ZC3H12D: variants seen among roughly 807,000 people sequenced by gnomAD.
The protein encoded by ZC3H12D is zinc finger CCCH-type containing 12D.
Under a neutral mutation model 24.2 loss-of-function variants are expected in ZC3H12D, and 11 were observed. The observed-to-expected ratio is 0.46, with a 90% CI of 0.29 to 0.75. The LOEUF (loss-of-function observed/expected upper bound fraction) is 0.75. Among genes scored for constraint, ZC3H12D ranks in the 30% least tolerant of loss-of-function variants. The pLI is 0.11. For missense variants in ZC3H12D, 740 were observed against 767.7 expected, an observed-to-expected ratio of 0.96 and a Z score of 0.43; for synonymous variants, 333 against 341.8, an observed-to-expected ratio of 0.97 and a Z score of 0.28.
chr6:149,453,142 A>G (rs996182426), intron 4 of ZC3H12D, among the ~76,000 whole-genome samples: 2 of 151,708 alleles, frequency 1.3e-5, no homozygotes, highest in African/African-American at 2.4e-5. Flanking sequence ...AAAAAAAAAA[A>G]AAAAGAAAAT....
intron 3 of ZC3H12D, among the ~76,000 whole-genome samples, chr6:149,458,124 G>GTTTTTTT (rs1562472740): frequency 4.0e-4 from 15 of 37,564 alleles, no homozygotes; most frequent in African/African-American, 1.7e-3. Context: ...TTTTTTTTTC[G>GTTTTTTT]TTTCTTTTTT....
rs553968766 is a variant in ZC3H12D at position 149,456,967 on chromosome 6, C to A, written c.446-67G>T. Reference sequence around the variant, plus strand: ...CACCGCCCCTGAGAACCACCCCCAACGCGAGGCCACCCGCTTCCCGGGCCG... The same window carrying A: ...CACCGCCCCTGAGAACCACCCCCAAAGCGAGGCCACCCGCTTCCCGGGCCG... On this transcript the variant is annotated intron_variant, in intron 3 of 5. Transcript: ENST00000409806. The surrounding 1 kb of genome is among the most constrained non-coding windows in gnomAD (Gnocchi z 4.3). 6.8e-6 allele frequency: 10 copies of A among 1,478,870 alleles called. No individual in the cohort carries two copies. The East Asian group carries it at 2.3e-4, about 34-fold the overall frequency. 91.6% of individuals were successfully genotyped at this position (1,478,870 alleles called of 1,614,324 possible).
In ZC3H12D at chr6:149,456,622, C is replaced by CCCCCCCCCCCCCCCCCCGGGTGGGG; in HGVS notation, c.680+43_680+44insCCCCACCCGGGGGGGGGGGGGGGGG. On this transcript the variant is annotated intron_variant, in intron 4 of 5. Transcript: ENST00000409806. The surrounding 1 kb of genome is among the most constrained non-coding windows in gnomAD (Gnocchi z 4.3). ...GGCCACTGCCTCGACCCCGGCCCCCCGCCCCGCCGCCCCCCAGGGTGTCAG... is the reference window on the plus strand; with the variant it reads ...GGCCACTGCCTCGACCCCGGCCCCCCCCCCCCCCCCCCCCCCCGGGTGGGGGCCCCGCCGCCCCCCAGGGTGTCAG... 7.6e-7 allele frequency: 1 copy of CCCCCCCCCCCCCCCCCCGGGTGGGG among 1,314,358 alleles called. No individual in the cohort carries two copies. 81.4% of individuals were successfully genotyped at this position (1,314,358 alleles called of 1,614,324 possible).
rs756490080 is a variant in ZC3H12D at position 149,449,819 on chromosome 6, T to C, written c.*864A>G. On this transcript the variant is annotated 3_prime_UTR_variant, in exon 6 of 6. Transcript: ENST00000409806. ...AGCTGGTACAGTAGAAAGCCTATTC[T>C]GGAAACTGCCATGATGGATGGCTAA... 1 of 152,198 alleles carries C rather than the reference T, an allele frequency of 6.6e-6. No individual in the cohort carries two copies. Among genetic ancestry groups the C allele is most frequent in the Non-Finnish European group, 1.5e-5 (1 of 68,054 alleles). The allele number at this position is 152,198 out of a possible 1,614,324, so 9.4% of individuals were successfully genotyped here. A position where few individuals can be genotyped will look rare whatever the true frequency, so the allele number is the denominator to read the frequency against.
At position 149,449,468 on chromosome 6, in the gene ZC3H12D, C is replaced by G. The variant is rs1421903970; in HGVS notation, c.*1215G>C. 6.6e-6 allele frequency: 1 copy of G among 151,376 alleles called. No individual in the cohort carries two copies. The highest frequency in any genetic ancestry group is 1.5e-5 in the Non-Finnish European group (1 of 68,052). The allele number at this position is 151,376 out of a possible 1,614,324, so 9.4% of individuals were successfully genotyped here. A position where few individuals can be genotyped will look rare whatever the true frequency, so the allele number is the denominator to read the frequency against. ...TTTTTTTTTTTTTAAGACGGAGTCT[C>G]GCTCTGCTGCCCAGGCTGGAGTGCA... On this transcript the variant is annotated 3_prime_UTR_variant, in exon 6 of 6. Coordinates refer to ENST00000409806, the MANE Select transcript of ZC3H12D (RefSeq NM_207360.3).
At position 149,474,557 on chromosome 6, in the gene ZC3H12D, G is replaced by T; in HGVS notation, c.-14C>A. On this transcript the variant is annotated 5_prime_UTR_variant, in exon 2 of 6. Transcript: ENST00000409806. ...GGGGTGCTCCATGCTGTGCCCAGCG[G>T]CCACTGGCGCAGGTCCTGCCCCAGG... 2.0e-6 allele frequency: 3 copies of T among 1,470,996 alleles called. No individual in the cohort carries two copies. Among genetic ancestry groups the T allele is most frequent in the Non-Finnish European group, 2.7e-6 (3 of 1,102,384 alleles). The allele number at this position is 1,470,996 out of a possible 1,614,324, so 91.1% of individuals were successfully genotyped here.
At chr6:149,468,356 A>G (rs564916794) in intron 2 of ZC3H12D, among the ~76,000 whole-genome samples, 2 of 152,324 alleles carry the variant, frequency 1.3e-5, no homozygotes, top group African/African-American at 2.4e-5. Flanking sequence ...TGCCTGCCTG[A>G]CAACTGTGCC....
In ZC3H12D at chr6:149,480,641, C is replaced by T. The variant is rs542394528; in HGVS notation, c.-71+4172G>A. Among the ~76,000 whole-genome samples the T allele has an allele frequency of 5.9e-5, 9 of 152,262 alleles. No homozygotes were observed. The East Asian group carries it at 1.7e-3, about 29-fold the overall frequency. On this transcript the variant is annotated intron_variant, in intron 1 of 5. Coordinates refer to ENST00000409806, the MANE Select transcript of ZC3H12D (RefSeq NM_207360.3). The stretch of plus-strand genomic sequence containing the variant: ...ATCCCAGCTACTCAGGAGACTGAGG[C>T]AGGAGAATCACTTGAAACCAGGAGG...
chr6:149,460,096 G>A (rs1267344776), intron 3 of ZC3H12D, among the ~76,000 whole-genome samples: 1 of 152,204 alleles, frequency 6.6e-6, no homozygotes, highest in East Asian at 1.9e-4. Flanking sequence ...GCTGCCAGTT[G>A]TGTAAAAGTC....
chr6:149,475,594 T>C (rs531270924), intron 1 of ZC3H12D, among the ~76,000 whole-genome samples: 1 of 152,118 alleles, frequency 6.6e-6, no homozygotes, highest in Non-Finnish European at 1.5e-5. Flanking sequence ...CGCACGCCTG[T>C]AATCCCAGCT....
chr6:149,482,253 G>C (rs541240496), intron 1 of ZC3H12D, among the ~76,000 whole-genome samples: 2 of 152,382 alleles, frequency 1.3e-5, no homozygotes, highest in South Asian at 4.1e-4. Flanking sequence ...GGACAGGAGT[G>C]GGGTGCTGCT....
chr6:149,459,378 T>A, intron 3 of ZC3H12D: 1 of 550,982 alleles, frequency 1.8e-6, no homozygotes, highest in Non-Finnish European at 3.2e-6. Flanking sequence ...GGGGGAGATC[T>A]ATAATCATGT....
chr6:149,465,486 G>A (rs1776140010), intron 2 of ZC3H12D, among the ~76,000 whole-genome samples: 2 of 152,112 alleles, frequency 1.3e-5, no homozygotes. Context: ...CGGGTGTGGT[G>A]GCTCACACCT....
Position 149,461,872 on chromosome 6 carries a change from G to A in ZC3H12D, c.404C>T (p.Ser135Phe). 2 of 1,586,046 alleles carry A rather than the reference G, an allele frequency of 1.3e-6. No homozygotes were observed. Among genetic ancestry groups the A allele is most frequent in the Admixed American group, 1.8e-5 (1 of 55,402 alleles). Residue 135 changes from serine to phenylalanine, a missense_variant, in exon 3 of 6, where the codon TCC becomes TTC. Ser to Phe is a radical substitution (Grantham distance 155). Coordinates refer to ENST00000409806, the MANE Select transcript of ZC3H12D (RefSeq NM_207360.3). ...AGCTCTTGGTGGGTCCTTCCTCCAGGATGGAACAAAAACTTTGATGTAGGT... is the reference window on the plus strand; with the variant it reads ...AGCTCTTGGTGGGTCCTTCCTCCAGAATGGAACAAAAACTTTGATGTAGGT... Reference protein sequence around the residue: ...GHTYIKVFVPSWRKDPPRADT... With the variant: ...GHTYIKVFVPFWRKDPPRADT...
rs757291538 is a variant in ZC3H12D, at chr6:149,474,566, G to A, written c.-23C>T. On this transcript the variant is annotated 5_prime_UTR_variant, in exon 2 of 6. Transcript: ENST00000409806. Reference sequence around the variant, plus strand: ...CATGCTGTGCCCAGCGGCCACTGGCGCAGGTCCTGCCCCAGGCTTCCTCCT... The same window carrying A: ...CATGCTGTGCCCAGCGGCCACTGGCACAGGTCCTGCCCCAGGCTTCCTCCT... The A allele has an allele frequency of 3.4e-6, 5 of 1,457,122 alleles. No homozygotes were observed. The East Asian group carries it at 7.3e-5, about 21-fold the overall frequency. The allele number at this position is 1,457,122 out of a possible 1,614,324, so 90.3% of individuals were successfully genotyped here. A position where few individuals can be genotyped will look rare whatever the true frequency, so the allele number is the denominator to read the frequency against.
In ZC3H12D at chr6:149,456,622, C is replaced by CCCCCCCCCCCCCCCCCCCGGGTGAGG; in HGVS notation, c.680+43_680+44insCCTCACCCGGGGGGGGGGGGGGGGGG. 5.3e-6 allele frequency: 7 copies of CCCCCCCCCCCCCCCCCCCGGGTGAGG among 1,314,350 alleles called. No homozygotes were observed. The highest frequency in any genetic ancestry group is 4.7e-5 in the East Asian group (2 of 42,324). The allele number at this position is 1,314,350 out of a possible 1,614,324, so 81.4% of individuals were successfully genotyped here. A position where few individuals can be genotyped will look rare whatever the true frequency, so the allele number is the denominator to read the frequency against. On this transcript the variant is annotated intron_variant, in intron 4 of 5. Transcript: ENST00000409806. The surrounding 1 kb of genome is among the most constrained non-coding windows in gnomAD (Gnocchi z 4.3). ...GGCCACTGCCTCGACCCCGGCCCCC[C>CCCCCCCCCCCCCCCCCCCGGGTGAGG]GCCCCGCCGCCCCCCAGGGTGTCAG...
intron 5 of ZC3H12D, 94 bp from the exon 6 acceptor site, chr6:149,451,573 G>T: frequency 8.7e-7 from 1 of 1,144,514 alleles, no homozygotes; most frequent in Non-Finnish European, 1.2e-6. Context: ...CCGGCCCGCG[G>T]CCTCTCCGTG....
At chr6:149,483,287 A>G (rs1319796824) in intron 1 of ZC3H12D, 2 of 152,006 alleles carry the variant, frequency 1.3e-5, no homozygotes, top group Non-Finnish European at 2.9e-5. Flanking sequence ...ATTTTTTTTT[A>G]AGGGAATTTG....
chr6:149,465,754 CAA>C (rs71545106), intron 2 of ZC3H12D, among the ~76,000 whole-genome samples: 7 of 71,076 alleles, frequency 9.8e-5, no homozygotes, highest in African/African-American at 1.9e-4. Flanking sequence ...GACGCCATCT[CAA>C]AAAAAAAAAA....
Sources: gnomAD v4.1 joint callset for allele counts (sites outside exome capture counted in the v4.1 genomes callset) on GRCh38, gnomAD v4.1.1 for gene constraint, Gnocchi (gnomAD v3.1) non-coding constraint, MANE v1.5 for transcripts, NCBI Gene and HGNC (gene_info 2026-07-23, HGNC 2026-07-21) for gene names.